Variants in TMEM51 observed in about 807,000 individuals in gnomAD.
The protein encoded by TMEM51 is transmembrane protein 51, also known as chromosome 1 open reading frame 72.
Under a neutral mutation model 13.6 loss-of-function variants are expected in TMEM51, and 8 were observed. The ratio of observed to expected loss-of-function variants is 0.59; its 90% CI spans 0.35 to 1.07. The LOEUF is 1.07. TMEM51 is among the 50% of genes least tolerant of loss of function. The pLI, the probability that TMEM51 is intolerant of heterozygous loss-of-function variation, is 0.02. For synonymous variants in TMEM51, 147 were observed against 144.4 expected (o/e 1.02, Z -0.13); for missense variants, 279 against 330.7 (o/e 0.84, Z 1.21).
chr1:15,213,137 G>A (rs1014069603), intron 2 of TMEM51, among the ~76,000 whole-genome samples: 2 of 152,148 alleles, frequency 1.3e-5, no homozygotes, highest in Non-Finnish European at 2.9e-5. Flanking sequence ...TCATTTTCCT[G>A]CTGGCCTAGA....
In TMEM51 at chr1:15,173,831, C is replaced by CT. The variant is rs560296221; in HGVS notation, c.-267+19879dup. Among the ~76,000 whole-genome samples the CT allele has an allele frequency of 1.7e-3, 258 of 152,270 alleles. 8 individuals carry two copies. In the South Asian group the frequency reaches 0.051, roughly 30 times the overall value. On this transcript the variant is annotated intron_variant, in intron 1 of 3. Coordinates refer to ENST00000376008, the MANE Select transcript of TMEM51 (RefSeq NM_001136218.2). Reference sequence around the variant, plus strand: ...ATGAATTTCTTTTTGTGTCTGTCACCTTGACGTTAGTTGTCACCTTAACTA... The same window carrying CT: ...ATGAATTTCTTTTTGTGTCTGTCACCTTTGACGTTAGTTGTCACCTTAACTA...
intron 3 of TMEM51, among the ~76,000 whole-genome samples, chr1:15,217,587 G>T (rs1644450465): frequency 6.6e-6 from 1 of 152,116 alleles, no homozygotes. Context: ...GGAAAGCAAG[G>T]GGTATAATTC....
chr1:15,189,284 G>A (rs6675205), intron 1 of TMEM51, among the ~76,000 whole-genome samples: 64,019 of 140,602 alleles, frequency 0.46, 15,119 homozygotes, highest in East Asian at 0.91. Context: ...TCAAACTCCT[G>A]ACCTCAGGTG....
intron 1 of TMEM51, among the ~76,000 whole-genome samples, chr1:15,200,988 G>T (rs992496855): frequency 6.6e-6 from 1 of 152,176 alleles, no homozygotes; most frequent in Non-Finnish European, 1.5e-5. Flanking sequence ...TGTGCCACAG[G>T]TGCCTCACAC....
At chr1:15,170,960 C>T (rs577265726) in intron 1 of TMEM51, among the ~76,000 whole-genome samples, 1 of 152,214 alleles carries the variant, frequency 6.6e-6, no homozygotes, top group Non-Finnish European at 1.5e-5. Flanking sequence ...GATCTCCTGA[C>T]CTCATGATCC....
At chr1:15,172,027 C>T (rs949839619) in intron 1 of TMEM51, among the ~76,000 whole-genome samples, 5 of 152,184 alleles carry the variant, frequency 3.3e-5, no homozygotes, top group African/African-American at 1.2e-4. Context: ...TTCAAACAAG[C>T]TCTCTAGCTG....
intron 1 of TMEM51, among the ~76,000 whole-genome samples, chr1:15,157,220 C>A (rs1282602111): frequency 1.3e-5 from 2 of 152,220 alleles, no homozygotes; most frequent in Non-Finnish European, 2.9e-5. Flanking sequence ...CTCCCCTCAG[C>A]TCCCGTCTCA....
rs74053435 is a variant in TMEM51, at chr1:15,195,769, T to C, written c.-266-14721T>C. Reference sequence around the variant, plus strand: ...GTGGGTACTGAGCCTGATTCCAGACTCCAGCAGCCTGAGCACAGAGCCCAG... The same window carrying C: ...GTGGGTACTGAGCCTGATTCCAGACCCCAGCAGCCTGAGCACAGAGCCCAG... On this transcript the variant is annotated intron_variant, in intron 1 of 3. Transcript: ENST00000376008. Among the ~76,000 whole-genome samples, 656 of 152,238 alleles carry C rather than the reference T, an allele frequency of 4.3e-3. 6 individuals are homozygous for C. Among genetic ancestry groups the C allele is most frequent in the African/African-American group, 0.015 (622 of 41,538 alleles).
chr1:15,202,536 T>A (rs1235124337), intron 1 of TMEM51, among the ~76,000 whole-genome samples: 1 of 152,156 alleles, frequency 6.6e-6, no homozygotes, highest in Non-Finnish European at 1.5e-5. Context: ...GCATGCGTCT[T>A]CTTGCCTTTT....
intron 1 of TMEM51, among the ~76,000 whole-genome samples, chr1:15,193,725 G>T (rs1388404359): frequency 6.6e-6 from 1 of 151,972 alleles, no homozygotes; most frequent in African/African-American, 2.4e-5. Context: ...GCTAATTTTT[G>T]TATTTTTATT....
intron 1 of TMEM51, among the ~76,000 whole-genome samples, chr1:15,196,128 C>T (rs1644042601): frequency 6.6e-6 from 1 of 152,164 alleles, no homozygotes; most frequent in Non-Finnish European, 1.5e-5. Flanking sequence ...ATCCACCCAT[C>T]CATCCCCCAC....
upstream of TMEM51, among the ~76,000 whole-genome samples, chr1:15,153,402 C>A (rs1355399186): frequency 2.0e-5 from 3 of 147,876 alleles, no homozygotes; most frequent in Non-Finnish European, 2.9e-5. Context: ...CACACACGCG[C>A]GTGCGCGCAC....
intron 1 of TMEM51, among the ~76,000 whole-genome samples, chr1:15,157,823 A>G (rs1293332925): frequency 6.6e-6 from 1 of 152,240 alleles, no homozygotes; most frequent in Admixed American, 6.5e-5. Context: ...GTCTTCGTCC[A>G]CAGATTACAA....
At chr1:15,167,878 G>A (rs1388049805) in intron 1 of TMEM51, among the ~76,000 whole-genome samples, 3 of 152,080 alleles carry the variant, frequency 2.0e-5, no homozygotes, top group African/African-American at 7.2e-5. Flanking sequence ...AGTAGTGATC[G>A]TTCTTAACTT....
chr1:15,155,258 C>T (rs1642550949), intron 1 of TMEM51, among the ~76,000 whole-genome samples: 1 of 152,154 alleles, frequency 6.6e-6, no homozygotes, highest in African/African-American at 2.4e-5. Flanking sequence ...GGGGCCTGCC[C>T]CAGTGACCCA....
chr1:15,161,649 G>T lies in TMEM51; in HGVS notation c.-267+7695G>T, dbSNP rs1346051783. Among the ~76,000 whole-genome samples the T allele has an allele frequency of 6.6e-6, 1 of 151,970 alleles. No individual in the cohort carries two copies. The highest frequency in any genetic ancestry group is 1.5e-5 in the Non-Finnish European group (1 of 68,024). On this transcript the variant is annotated intron_variant, in intron 1 of 3. Transcript: ENST00000376008. This position sits in a 1 kb window ranked among gnomAD's most constrained non-coding sequence, Gnocchi z 4.0. ...GATTGGGTAATTTATAAAGAAAAGAGATTTATTGGCCGGGCGCAGTGGCTC... is the reference window on the plus strand; with the variant it reads ...GATTGGGTAATTTATAAAGAAAAGATATTTATTGGCCGGGCGCAGTGGCTC...
intron 1 of TMEM51, among the ~76,000 whole-genome samples, chr1:15,181,123 TA>T (rs1643602518): frequency 6.6e-6 from 1 of 152,210 alleles, no homozygotes; most frequent in South Asian, 2.1e-4. Flanking sequence ...ACAAGTTACT[TA>T]ATGCCTCAAG....
chr1:15,209,737 T>C (rs1407726241), intron 1 of TMEM51, among the ~76,000 whole-genome samples: 1 of 152,178 alleles, frequency 6.6e-6, no homozygotes, highest in African/African-American at 2.4e-5. Flanking sequence ...ATGTGTTATC[T>C]TTTTAAAAAA....
rs542611417 is a variant in TMEM51 at position 15,155,255 on chromosome 1, G to T, written c.-267+1301G>T. Among the ~76,000 whole-genome samples the T allele has an allele frequency of 4.6e-5, 7 of 152,282 alleles. No homozygotes were observed. The East Asian group carries it at 1.4e-3, about 29-fold the overall frequency. ...CTCTCTGATGGGGTGTCTGGGGCCTGCCCCAGTGACCCAGAGCCCAGAAGC... is the reference window on the plus strand; with the variant it reads ...CTCTCTGATGGGGTGTCTGGGGCCTTCCCCAGTGACCCAGAGCCCAGAAGC... On this transcript the variant is annotated intron_variant, in intron 1 of 3. Coordinates refer to ENST00000376008, the MANE Select transcript of TMEM51 (RefSeq NM_001136218.2).
Sources: allele counts gnomAD v4.1 joint callset (sites outside exome capture counted in the v4.1 genomes callset), GRCh38; gene constraint gnomAD v4.1.1; non-coding constraint Gnocchi (gnomAD v3.1); transcripts MANE v1.5; gene names NCBI Gene and HGNC (gene_info 2026-07-23, HGNC 2026-07-21).